Variants in NUP43 observed in about 807,000 individuals in gnomAD.
NUP43 encodes the protein nucleoporin Nup43.
In NUP43, 32 loss-of-function variants were observed where a neutral mutation model predicts 47.3. That is an observed-to-expected ratio of 0.68 (90% CI 0.51 to 0.91). The LOEUF (loss-of-function observed/expected upper bound fraction) is 0.91. Among genes scored for constraint, NUP43 ranks in the 40% least tolerant of loss-of-function variants. NUP43 has a pLI of 0.00. For synonymous variants in NUP43, 147 were observed against 158.4 expected (o/e 0.93, Z 0.54); for missense variants, 444 against 453.9 (o/e 0.98, Z 0.20).
At chr6:149,744,810 C>T (rs533753504) in intron 2 of NUP43, among the ~76,000 whole-genome samples, 5 of 150,728 alleles carry the variant, frequency 3.3e-5, no homozygotes, top group African/African-American at 7.3e-5. Flanking sequence ...CACTCCAGCT[C>T]GGGTGACAGT....
At chr6:149,743,012 C>A (rs913113259) in intron 3 of NUP43, among the ~76,000 whole-genome samples, 1 of 151,828 alleles carries the variant, frequency 6.6e-6, no homozygotes, top group Admixed American at 6.6e-5. Context: ...CCCGTCTCTA[C>A]TAAAAATACA....
At chr6:149,734,510 A>G (rs1181313635) in intron 6 of NUP43, among the ~76,000 whole-genome samples, 3 of 151,792 alleles carry the variant, frequency 2.0e-5, no homozygotes, top group Non-Finnish European at 4.4e-5. Flanking sequence ...TTAAAAAAAT[A>G]TATAGGGCCG....
intron 6 of NUP43, among the ~76,000 whole-genome samples, chr6:149,735,693 G>A (rs1008337898): frequency 6.6e-6 from 1 of 151,012 alleles, no homozygotes; most frequent in African/African-American, 2.4e-5. Context: ...TGGTTGATGT[G>A]GTGGCTCATA....
At chr6:149,746,555 C>T (rs776257629), upstream of NUP43, 7 of 1,613,252 alleles carry the variant, frequency 4.3e-6, no homozygotes, top group Admixed American at 8.3e-5. Context: ...CTCTCAGCAC[C>T]GCCTCTTCCC....
chr6:149,744,338 A>G (rs1298615655), intron 2 of NUP43, among the ~76,000 whole-genome samples: 2 of 151,848 alleles, frequency 1.3e-5, no homozygotes, highest in Non-Finnish European at 2.9e-5. Flanking sequence ...AGCCTGGCCA[A>G]TACGTTGAAA....
chr6:149,748,682 G>T (rs1015030508), upstream of NUP43, among the ~76,000 whole-genome samples: 1 of 151,866 alleles, frequency 6.6e-6, no homozygotes, highest in Non-Finnish European at 1.5e-5. Context: ...GGTGGCGGGT[G>T]CCTGTAGTCC....
chr6:149,728,757 C>T (rs899247365), intron 7 of NUP43, among the ~76,000 whole-genome samples: 2 of 152,188 alleles, frequency 1.3e-5, no homozygotes, highest in Non-Finnish European at 2.9e-5. Flanking sequence ...GGTGTCCTTG[C>T]AGTTCTCTGC....
rs1784716850 is a variant in NUP43, at chr6:149,724,350, G to GA, written c.*2618dup. ...GTATATGAAAATTCATTTATTTAGT[G>GA]AAACCCTGACATTAAAGCGTCCCAA... On this transcript the variant is annotated 3_prime_UTR_variant, in exon 8 of 8. Transcript: ENST00000340413. 3.4e-5 allele frequency: 4 copies of GA among 116,454 alleles called. No individual in the cohort carries two copies. Among genetic ancestry groups the GA allele is most frequent in the Non-Finnish European group, 6.7e-5 (4 of 59,674 alleles). 7.2% of individuals were successfully genotyped at this position (116,454 alleles called of 1,614,324 possible). A position where few individuals can be genotyped will look rare whatever the true frequency, so the allele number is the denominator to read the frequency against.
Position 149,727,083 on chromosome 6 carries a change from T to C in NUP43, c.1029A>G (p.Thr343=). 1.2e-6 allele frequency: 2 copies of C among 1,614,160 alleles called. No individual in the cohort carries two copies. Among genetic ancestry groups the C allele is most frequent in the Non-Finnish European group, 1.7e-6 (2 of 1,180,000 alleles). ...TDPAKDRIEI[T]SLLPSRSLSV... ...ACAGAGACCTACTGGGAAGTAAGCT[T>C]GTGATTTCAATTCGGTCTTTTGCAG... is the stretch of plus-strand genomic sequence containing the variant. The change falls in exon 8 of 8, where the codon ACA becomes ACG. Residue 343 remains threonine, a synonymous_variant. Transcript: ENST00000340413.
intron 6 of NUP43, among the ~76,000 whole-genome samples, chr6:149,733,804 T>C (rs182569234): frequency 2.6e-4 from 39 of 151,468 alleles, no homozygotes; most frequent in Admixed American, 2.4e-3. Flanking sequence ...CCAGTCTTCC[T>C]CATTTCCTCA....
chr6:149,738,938 T>C (rs966501920), intron 4 of NUP43, among the ~76,000 whole-genome samples, 160 bp from the exon 5 acceptor site: 1 of 152,114 alleles, frequency 6.6e-6, no homozygotes, highest in Non-Finnish European at 1.5e-5. Context: ...TATGTTTAAA[T>C]GGATTCTCTT....
At chr6:149,736,947 C>T (rs914049702) in intron 5 of NUP43, among the ~76,000 whole-genome samples, 1 of 151,994 alleles carries the variant, frequency 6.6e-6, no homozygotes, top group Non-Finnish European at 1.5e-5. Flanking sequence ...CCCTGGCCTT[C>T]CAAAGTGCTG....
chr6:149,745,672 ATAAT>A (rs978169065), intron 2 of NUP43, among the ~76,000 whole-genome samples: 15 of 152,222 alleles, frequency 9.9e-5, no homozygotes, highest in African/African-American at 2.4e-5. Flanking sequence ...GCATGCAACA[ATAAT>A]TAATTTTTGT....
rs560660742 is a variant in NUP43 at position 149,739,853 on chromosome 6, C to A, written c.503-1075G>T. ...AACTCTCGCCCTCTCCATGAAGTCA[C>A]TCCTTATTGTCATAATGGTCCTTTT... On this transcript the variant is annotated intron_variant, in intron 4 of 7. Coordinates refer to ENST00000340413, the MANE Select transcript of NUP43 (RefSeq NM_198887.3). 3.3e-5 allele frequency among the ~76,000 whole-genome samples: 5 copies of A among 152,328 alleles called. No individual in the cohort carries two copies. The East Asian group carries it at 9.6e-4, about 29-fold the overall frequency.
chr6:149,726,861 T>C lies in NUP43; in HGVS notation c.*108A>G, dbSNP rs1252433608. On this transcript the variant is annotated 3_prime_UTR_variant, in exon 8 of 8. Coordinates refer to ENST00000340413, the MANE Select transcript of NUP43 (RefSeq NM_198887.3). ...ATTGACATTAATGGTAGTTTACTGA[T>C]GTTTCCCCTGCAAATCTCGTATTTT... 15 of 791,572 alleles carry C rather than the reference T, an allele frequency of 1.9e-5. No homozygotes were observed. The East Asian group carries it at 4.0e-4, about 21-fold the overall frequency. 49.0% of individuals were successfully genotyped at this position (791,572 alleles called of 1,614,324 possible). A position where few individuals can be genotyped will look rare whatever the true frequency, so the allele number is the denominator to read the frequency against.
At chr6:149,728,616 C>T (rs1784895302) in intron 7 of NUP43, 1 of 184,522 alleles carries the variant, frequency 5.4e-6, no homozygotes, top group African/African-American at 2.4e-5. Context: ...TCCTCATCTC[C>T]CTGTTTTCCA....
intron 5 of NUP43, among the ~76,000 whole-genome samples, chr6:149,737,518 C>A (rs959483900): frequency 1.3e-4 from 20 of 152,162 alleles, no homozygotes; most frequent in African/African-American, 4.3e-4. Flanking sequence ...CGCAGATAAT[C>A]CTTCCAAAAT....
rs180879471 is a variant in NUP43, at chr6:149,744,628, G to A, written c.244-913C>T. Among the ~76,000 whole-genome samples the A allele has an allele frequency of 1.4e-4, 21 of 151,544 alleles. No individual in the cohort carries two copies. The East Asian group carries it at 3.9e-3, about 28-fold the overall frequency. ...CAAGCCGGGTGGACCACGAGGTCAC[G>A]AGTTCAAGACCAGCCTGGCCAACAT... is the stretch of plus-strand genomic sequence containing the variant. On this transcript the variant is annotated intron_variant, in intron 2 of 7. Transcript: ENST00000340413.
rs754442547 is a variant in NUP43 at position 149,745,932 on chromosome 6, A to C, written c.243+8T>G. On this transcript the variant is annotated splice_region_variant and intron_variant, in intron 2 of 7. Transcript: ENST00000340413. ...CAAAGTTAGCTTTTGGATGCTACAC[A>C]GATTTACCTGTAAATCCATTACATC... The C allele has an allele frequency of 3.1e-6, 5 of 1,602,786 alleles. No homozygotes were observed. In the East Asian group the frequency reaches 6.7e-5, roughly 21 times the overall value.
Sources: allele counts gnomAD v4.1 joint callset (sites outside exome capture counted in the v4.1 genomes callset), GRCh38; gene constraint gnomAD v4.1.1; transcripts MANE v1.5; gene names NCBI Gene and HGNC (gene_info 2026-07-23, HGNC 2026-07-21).